DAB1: variants seen among roughly 807,000 people sequenced by gnomAD.
DAB1 encodes the protein disabled homolog 1.
Under a neutral mutation model 64.6 loss-of-function variants are expected in DAB1, and 15 were observed. That is an observed-to-expected ratio of 0.23 (90% CI 0.16 to 0.36). The LOEUF (loss-of-function observed/expected upper bound fraction) is 0.36. Ranked by LOEUF, DAB1 falls within the 10% of genes least tolerant of loss-of-function variation. DAB1 has a pLI of 1.00. For missense variants in DAB1, 596 were observed against 706.7 expected (o/e 0.84, Z 1.78); for synonymous variants, 235 against 251.9 (o/e 0.93, Z 0.64).
At chr1:58,147,983 G>GA (rs58099365) in intron 5 of DAB1, among the ~76,000 whole-genome samples, 41,365 of 113,328 alleles carry the variant, frequency 0.37, 8,453 homozygotes, top group African/African-American at 0.56. Flanking sequence ...TATAGCTGGA[G>GA]AAAAAAAAAA....
At chr1:57,033,494 A>G in intron 9 of DAB1, 6 of 1,612,846 alleles carry the variant, frequency 3.7e-6, no homozygotes, top group Non-Finnish European at 5.1e-6. Context: ...GACATGAAAC[A>G]GTTAACCAGA....
chr1:57,553,256 C>A (rs1644935591), intron 7 of DAB1, among the ~76,000 whole-genome samples: 1 of 149,186 alleles, frequency 6.7e-6, no homozygotes, highest in Non-Finnish European at 1.5e-5. Context: ...TACTATGGGT[C>A]TAAATGAAGT....
intron 4 of DAB1, among the ~76,000 whole-genome samples, chr1:58,205,230 T>G (rs753096502): frequency 6.8e-6 from 1 of 147,822 alleles, no homozygotes; most frequent in East Asian, 2.2e-4. Context: ...GACAACTCTT[T>G]CAGGCAAGAC....
At chr1:57,005,180 C>T (rs1341374362) in intron 14 of DAB1, among the ~76,000 whole-genome samples, 5 of 152,062 alleles carry the variant, frequency 3.3e-5, no homozygotes, top group Non-Finnish European at 4.4e-5. Context: ...ACCTGAGTTT[C>T]GAGGCAACTG....
intron 5 of DAB1, among the ~76,000 whole-genome samples, chr1:58,137,417 T>C (rs969721862): frequency 2.0e-5 from 3 of 152,144 alleles, no homozygotes; most frequent in African/African-American, 7.2e-5. Context: ...GAGTATCCCA[T>C]TCATATCCAT....
At chr1:57,691,154 C>T (rs931179666) in intron 6 of DAB1, among the ~76,000 whole-genome samples, 1 of 152,068 alleles carries the variant, frequency 6.6e-6, no homozygotes, top group African/African-American at 2.4e-5. Context: ...TTCTGTCTAG[C>T]TAGGGGATTG....
At chr1:58,527,212 T>C (rs1646365721) in intron 2 of DAB1, 2 of 851,214 alleles carry the variant, frequency 2.3e-6, no homozygotes, top group South Asian at 1.3e-5. Context: ...CACGTTTATC[T>C]TTCAGCCTGG....
At chr1:57,870,560 G>C (rs1050593091) in intron 1 of DAB1, among the ~76,000 whole-genome samples, 1 of 152,072 alleles carries the variant, frequency 6.6e-6, no homozygotes, top group African/African-American at 2.4e-5. Flanking sequence ...ATATGGGCAG[G>C]AGTAATCAAC....
At chr1:57,821,971 A>T (rs1290633648), downstream of DAB1, among the ~76,000 whole-genome samples, 1 of 152,198 alleles carries the variant, frequency 6.6e-6, no homozygotes, top group African/African-American at 2.4e-5. Flanking sequence ...AACTACTTGG[A>T]GGTGAAGAGG....
chr1:57,587,971 C>A (rs1323516914), intron 7 of DAB1, among the ~76,000 whole-genome samples: 1 of 152,152 alleles, frequency 6.6e-6, no homozygotes, highest in African/African-American at 2.4e-5. Context: ...ATTTCCTTAC[C>A]CACTATCCCT....
At chr1:58,176,600 G>A (rs1413117239) in intron 4 of DAB1, among the ~76,000 whole-genome samples, 2 of 152,308 alleles carry the variant, frequency 1.3e-5, no homozygotes, top group East Asian at 3.9e-4. Flanking sequence ...GGGCAAGAGA[G>A]CAAGTGGGGG....
At chr1:57,056,377 C>A (rs760835474) in intron 9 of DAB1, among the ~76,000 whole-genome samples, 3 of 148,194 alleles carry the variant, frequency 2.0e-5, no homozygotes, top group African/African-American at 7.5e-5. Flanking sequence ...TGGTGGTGCA[C>A]GCCTGTAGTC....
At position 57,070,922 on chromosome 1, in the gene DAB1, A is replaced by C. The variant is rs984010095; in HGVS notation, c.597+101T>G. ...TCAGAAATAATCTTGGTCTCTCTCC[A>C]GGTTTTGCAGTCAGTGGATTCTTCA... is the stretch of plus-strand genomic sequence containing the variant. On this transcript the variant is annotated intron_variant, in intron 7 of 14. Coordinates refer to ENST00000371236, the MANE Select transcript of DAB1 (RefSeq NM_001365792.1). The C allele has an allele frequency of 5.0e-5, 51 of 1,029,622 alleles. 1 individual carries two copies. Among genetic ancestry groups the C allele is most frequent in the Non-Finnish European group, 7.4e-5 (48 of 650,398 alleles). The allele number at this position is 1,029,622 out of a possible 1,614,324, so 63.8% of individuals were successfully genotyped here.
intron 5 of DAB1, among the ~76,000 whole-genome samples, chr1:57,898,246 G>A (rs572176627): frequency 1.2e-4 from 19 of 152,280 alleles, no homozygotes; most frequent in Admixed American, 2.6e-4. Flanking sequence ...AAGTTAAGGG[G>A]TTTCTGCCAG....
At chr1:57,673,347 C>T (rs148898746) in intron 6 of DAB1, among the ~76,000 whole-genome samples, 142 of 152,244 alleles carry the variant, frequency 9.3e-4, no homozygotes, top group African/African-American at 1.6e-3. Flanking sequence ...GGTTCTAATG[C>T]AGTGTATGTG....
intron 7 of DAB1, among the ~76,000 whole-genome samples, chr1:57,479,122 G>A (rs1643979013): frequency 6.6e-6 from 1 of 151,884 alleles, no homozygotes; most frequent in African/African-American, 2.4e-5. Context: ...TAAACTCTAA[G>A]TTCAATACTT....
chr1:57,304,450 C>A (rs973006298), intron 1 of DAB1, among the ~76,000 whole-genome samples: 4 of 151,850 alleles, frequency 2.6e-5, no homozygotes, highest in Non-Finnish European at 5.9e-5. Flanking sequence ...TGGTGTCTGA[C>A]AAAGAAAAGC....
chr1:58,532,203 A>G (rs1646444547), intron 1 of DAB1, among the ~76,000 whole-genome samples: 1 of 152,234 alleles, frequency 6.6e-6, no homozygotes, highest in African/African-American at 2.4e-5. Flanking sequence ...GAGACTCCCA[A>G]AAGAGAAAAT....
chr1:57,857,853 C>CCA (rs1553136402), intron 1 of DAB1, among the ~76,000 whole-genome samples: 3 of 53,500 alleles, frequency 5.6e-5, no homozygotes, highest in Non-Finnish European at 1.3e-4. Context: ...AATGTTCATA[C>CCA]AAAAAAAAAA....
Sources: gnomAD v4.1 joint callset for allele counts (sites outside exome capture counted in the v4.1 genomes callset) on GRCh38, gnomAD v4.1.1 for gene constraint, MANE v1.5 for transcripts, NCBI Gene and HGNC (gene_info 2026-07-23, HGNC 2026-07-21) for gene names.